The following XKR9 variants were observed in gnomAD, a reference collection of about 807,000 sequenced individuals.
XKR9 encodes the protein XK-related protein 9.
In XKR9, 32 loss-of-function variants were observed where a neutral mutation model predicts 32.0. The ratio of observed to expected loss-of-function variants is 1.00; its 90% CI spans 0.76 to 1.34. The LOEUF is 1.34. XKR9 is among the 40% of genes most tolerant of loss of function. The pLI is 0.00. For missense variants in XKR9, 546 were observed against 429.7 expected (o/e 1.27, Z -2.39); for synonymous variants, 168 against 143.4 (o/e 1.17, Z -1.22).
chr8:70,998,909 A>G, the XKR9 span, among the ~76,000 whole-genome samples: 2 of 152,224 alleles, frequency 1.3e-5, no homozygotes, highest in East Asian at 3.9e-4. Flanking sequence ...AGATACCAAA[A>G]TCCTGGGATG....
chr8:70,828,096 A>G, the XKR9 span, among the ~76,000 whole-genome samples: 2 of 152,200 alleles, frequency 1.3e-5, no homozygotes, highest in Non-Finnish European at 2.9e-5. Flanking sequence ...ATAAGATGGG[A>G]GCAACTGACT....
At chr8:71,029,815 A>C in the XKR9 span, among the ~76,000 whole-genome samples, 4 of 152,066 alleles carry the variant, frequency 2.6e-5, no homozygotes, top group Non-Finnish European at 5.9e-5. Flanking sequence ...ACCTATTTTA[A>C]ACCATTCTTA....
At chr8:70,713,892 A>G (rs977078211) in intron 4 of XKR9, among the ~76,000 whole-genome samples, 3 of 152,302 alleles carry the variant, frequency 2.0e-5, no homozygotes, top group South Asian at 2.1e-4. Flanking sequence ...CATACAGAAT[A>G]CTACAGACTG....
At position 70,732,142 on chromosome 8, in the gene XKR9, G is replaced by A. The variant is rs1294309625; in HGVS notation, c.494-1654G>A. Among the ~76,000 whole-genome samples the A allele has an allele frequency of 2.0e-5, 3 of 152,176 alleles. No individual in the cohort carries two copies. In the East Asian group the frequency reaches 5.8e-4, roughly 29 times the overall value. On this transcript the variant is annotated intron_variant, in intron 4 of 4. Coordinates refer to ENST00000408926, the MANE Select transcript of XKR9 (RefSeq NM_001011720.2). ...GCTGAACTGAGATAGACACCCCATG[G>A]TGGAGCTACAAACAGATACCCCACA...
At chr8:70,935,879 C>T in the XKR9 span, among the ~76,000 whole-genome samples, 1 of 152,006 alleles carries the variant, frequency 6.6e-6, no homozygotes, top group Non-Finnish European at 1.5e-5. Flanking sequence ...TTTATTGCCC[C>T]ATGTTCCAAA....
At chr8:70,693,462 T>C (rs546928759) in intron 3 of XKR9, among the ~76,000 whole-genome samples, 1 of 152,286 alleles carries the variant, frequency 6.6e-6, no homozygotes, top group South Asian at 2.1e-4. Flanking sequence ...GCTCTGAAAG[T>C]ATAGGTTCCT....
the XKR9 span, among the ~76,000 whole-genome samples, chr8:70,880,792 A>C: frequency 6.6e-6 from 1 of 152,212 alleles, no homozygotes; most frequent in African/African-American, 2.4e-5. Flanking sequence ...ATATGGAACC[A>C]AAAAAGAGCC....
chr8:71,013,236 T>C, the XKR9 span, among the ~76,000 whole-genome samples: 10 of 152,096 alleles, frequency 6.6e-5, no homozygotes, highest in South Asian at 1.9e-3. Flanking sequence ...GGCCTGAATA[T>C]AGATGAAGGG....
chr8:70,986,054 A>G, the XKR9 span, among the ~76,000 whole-genome samples: 9,065 of 152,310 alleles, frequency 0.06, 381 homozygotes, highest in Non-Finnish European at 0.084. Flanking sequence ...AGACCAAATA[A>G]TAATACTTGT....
At chr8:70,778,116 G>C (rs1241303555) in intron 2 of XKR9, among the ~76,000 whole-genome samples, 2 of 152,136 alleles carry the variant, frequency 1.3e-5, no homozygotes, top group East Asian at 3.9e-4. Context: ...TATCTATCTT[G>C]AGTTAATTTT....
the XKR9 span, among the ~76,000 whole-genome samples, chr8:70,872,100 CTTCTAGTTCCATGTTCTAG>C: frequency 6.6e-6 from 1 of 152,156 alleles, no homozygotes; most frequent in Non-Finnish European, 1.5e-5. Context: ...TGCAAAGAAA[CTTCTAGTTCCATGTTCTAG>C]TTCTAGTTCC....
At chr8:70,982,599 G>T in the XKR9 span, among the ~76,000 whole-genome samples, 2 of 152,110 alleles carry the variant, frequency 1.3e-5, no homozygotes, top group Non-Finnish European at 2.9e-5. Flanking sequence ...CTGAGAACTT[G>T]CCCCAGACCA....
At chr8:70,841,134 A>T in the XKR9 span, among the ~76,000 whole-genome samples, 46 of 152,156 alleles carry the variant, frequency 3.0e-4, no homozygotes, top group South Asian at 8.3e-4. Flanking sequence ...AAATATTCTT[A>T]TCTATAAATA....
chr8:70,852,024 A>C, the XKR9 span, among the ~76,000 whole-genome samples: 3,313 of 152,328 alleles, frequency 0.022, 134 homozygotes, highest in African/African-American at 0.076. Flanking sequence ...AAATTTTTGC[A>C]ATCTGTCTAT....
At chr8:70,764,429 T>A (rs1807348274) in intron 2 of XKR9, among the ~76,000 whole-genome samples, 1 of 152,172 alleles carries the variant, frequency 6.6e-6, no homozygotes, top group Non-Finnish European at 1.5e-5. Context: ...CTGCTTTCTC[T>A]CTCTCTGTTT....
the XKR9 span, among the ~76,000 whole-genome samples, chr8:70,872,875 G>T: frequency 1.3e-5 from 2 of 152,160 alleles, no homozygotes; most frequent in Non-Finnish European, 2.9e-5. Context: ...GGACAGGCTG[G>T]TCTCAAACTC....
chr8:70,979,253 C>T, the XKR9 span, among the ~76,000 whole-genome samples: 1 of 152,180 alleles, frequency 6.6e-6, no homozygotes, highest in Non-Finnish European at 1.5e-5. Context: ...TCGTCAAAAT[C>T]ATTCTCCGTC....
chr8:70,810,997 GCACCA>G, the XKR9 span, among the ~76,000 whole-genome samples: 1 of 152,122 alleles, frequency 6.6e-6, no homozygotes, highest in Non-Finnish European at 1.5e-5. Context: ...ATTCTTTTCA[GCACCA>G]CACCACACCT....
the XKR9 span, among the ~76,000 whole-genome samples, chr8:71,016,837 CTT>C: frequency 0.32 from 48,417 of 149,666 alleles, 8,986 homozygotes; most frequent in Non-Finnish European, 0.43. Context: ...GTCATATGCT[CTT>C]TTTTTTTTTC....
Sources: gnomAD v4.1 joint callset for allele counts (sites outside exome capture counted in the v4.1 genomes callset) on GRCh38, gnomAD v4.1.1 for gene constraint, MANE v1.5 for transcripts, NCBI Gene and HGNC (gene_info 2026-07-23, HGNC 2026-07-21) for gene names.